CAMSAP1: variants seen among roughly 807,000 people sequenced by gnomAD.
CAMSAP1 encodes calmodulin-regulated spectrin-associated protein 1.
CAMSAP1 carries 58 observed loss-of-function variants against 143.5 expected under a neutral mutation model. That is an observed-to-expected ratio of 0.40 (90% CI 0.33 to 0.50). The LOEUF is 0.50. CAMSAP1 is among the 20% of genes least tolerant of loss of function. The pLI is 0.45. For missense variants in CAMSAP1, 1,969 were observed against 2,115.7 expected (o/e 0.93, Z 1.36); for synonymous variants, 945 against 859.3 (o/e 1.10, Z -1.74).
chr9:135,848,243 A>G (rs1836646858), intron 7 of CAMSAP1, among the ~76,000 whole-genome samples: 1 of 151,998 alleles, frequency 6.6e-6, no homozygotes, highest in Admixed American at 6.5e-5. Context: ...AATTAGTTCA[A>G]GGTCACCCGT....
chr9:135,842,446 C>A (rs1836391295), intron 7 of CAMSAP1, among the ~76,000 whole-genome samples: 1 of 152,132 alleles, frequency 6.6e-6, no homozygotes, highest in Non-Finnish European at 1.5e-5. Flanking sequence ...TCCAGGAGAA[C>A]TTCCCCAACC....
intron 1 of CAMSAP1, among the ~76,000 whole-genome samples, chr9:135,886,155 C>T (rs1254045717): frequency 6.6e-6 from 1 of 151,728 alleles, no homozygotes; most frequent in East Asian, 1.9e-4. Flanking sequence ...AGAATTAATA[C>T]ACATTCATTC....
rs139066006 is a variant in CAMSAP1 at position 135,860,747 on chromosome 9, C to G, written c.808+1720G>C. Among the ~76,000 whole-genome samples the G allele has an allele frequency of 1.0e-3, 154 of 151,980 alleles. No homozygotes were observed. In the East Asian group the frequency reaches 0.014, roughly 14 times the overall value. ...TCCATCATTTTAAATATCCTGTTAT[C>G]TTTCACCCATGTCTTGGTGCCAAAT... On this transcript the variant is annotated intron_variant, in intron 5 of 16. Transcript: ENST00000389532.
chr9:135,886,442 G>A (rs889501334), intron 1 of CAMSAP1, among the ~76,000 whole-genome samples: 1 of 152,142 alleles, frequency 6.6e-6, no homozygotes, highest in African/African-American at 2.4e-5. Flanking sequence ...GTAGGGGGGT[G>A]GGTAGGAGCG....
intron 5 of CAMSAP1, among the ~76,000 whole-genome samples, chr9:135,858,133 C>G (rs1837043940): frequency 6.7e-6 from 1 of 150,294 alleles, no homozygotes. Flanking sequence ...CAGCTTGACA[C>G]CCACCCCTCC....
rs1835064639 is a variant in CAMSAP1 at position 135,811,835 on chromosome 9, A to G, written c.4507-224T>C. Among the ~76,000 whole-genome samples, 1 of 152,238 alleles carries G rather than the reference A, an allele frequency of 6.6e-6. No individual in the cohort carries two copies. The highest frequency in any genetic ancestry group is 1.5e-5 in the Non-Finnish European group (1 of 68,046). On this transcript the variant is annotated intron_variant, in intron 16 of 16. Transcript: ENST00000389532. The surrounding 1 kb of genome is among the most constrained non-coding windows in gnomAD (Gnocchi z 4.9). ...AGTCTAAGCAAGCAAGGGGGAAAAGAATGCTTTTACGATTAAATGGAAAAG... is the reference window on the plus strand; with the variant it reads ...AGTCTAAGCAAGCAAGGGGGAAAAGGATGCTTTTACGATTAAATGGAAAAG...
At chr9:135,850,572 T>C (rs1232640863) in intron 5 of CAMSAP1, 111 bp from the exon 6 acceptor site, 9 of 850,490 alleles carry the variant, frequency 1.1e-5, no homozygotes, top group Admixed American at 3.2e-5. Flanking sequence ...ATGAAGATAA[T>C]GACATTGAGA....
At chr9:135,830,167 T>C (rs954887833) in intron 7 of CAMSAP1, among the ~76,000 whole-genome samples, 2 of 152,194 alleles carry the variant, frequency 1.3e-5, no homozygotes, top group African/African-American at 4.8e-5. Flanking sequence ...GCAAAAGAAC[T>C]GTTAGACAAA....
chr9:135,885,254 C>G (rs1227489349), intron 1 of CAMSAP1, among the ~76,000 whole-genome samples: 9 of 152,226 alleles, frequency 5.9e-5, no homozygotes, highest in Non-Finnish European at 1.3e-4. Context: ...CACAGACACA[C>G]AGTCATCCCC....
Position 135,882,389 on chromosome 9 carries a change from C to A in CAMSAP1, c.423+427G>T, listed in dbSNP as rs1173436518. Reference sequence around the variant, plus strand: ...GACCCAGAACGCTCTGGAAAAGGCACACCAGTAGCAAGGCTTCAGAGAAAG... The same window carrying A: ...GACCCAGAACGCTCTGGAAAAGGCAAACCAGTAGCAAGGCTTCAGAGAAAG... On this transcript the variant is annotated intron_variant, in intron 2 of 16. Transcript: ENST00000389532. The surrounding 1 kb of genome is among the most constrained non-coding windows in gnomAD (Gnocchi z 4.9). 6.6e-6 allele frequency among the ~76,000 whole-genome samples: 1 copy of A among 151,872 alleles called. No individual in the cohort carries two copies. Among genetic ancestry groups the A allele is most frequent in the Non-Finnish European group, 1.5e-5 (1 of 68,004 alleles).
At chr9:135,834,493 T>C (rs1267496686) in intron 7 of CAMSAP1, among the ~76,000 whole-genome samples, 2 of 152,202 alleles carry the variant, frequency 1.3e-5, no homozygotes, top group Non-Finnish European at 2.9e-5. Flanking sequence ...AGTCTTGTCA[T>C]TTGTGACAAC....
intron 7 of CAMSAP1, among the ~76,000 whole-genome samples, chr9:135,837,376 C>CAT (rs368057355): frequency 6.6e-5 from 10 of 150,472 alleles, no homozygotes; most frequent in African/African-American, 2.4e-4. Context: ...TCTACAGACA[C>CAT]GTCATCACGC....
At chr9:135,823,887 T>G (rs963669282) in intron 10 of CAMSAP1, 63 bp downstream of exon 10, 1 of 1,335,300 alleles carries the variant, frequency 7.5e-7, no homozygotes, top group Non-Finnish European at 1.1e-6. Flanking sequence ...GGTGACATCT[T>G]AAGAACTGCT....
chr9:135,880,678 C>T (rs1456329285), intron 3 of CAMSAP1, among the ~76,000 whole-genome samples: 1 of 152,200 alleles, frequency 6.6e-6, no homozygotes, highest in Non-Finnish European at 1.5e-5. Flanking sequence ...TGCAAGCTAA[C>T]TATCAGTAAC....
intron 7 of CAMSAP1, among the ~76,000 whole-genome samples, chr9:135,840,786 G>C (rs1480395584): frequency 6.6e-6 from 1 of 152,198 alleles, no homozygotes; most frequent in African/African-American, 2.4e-5. Flanking sequence ...TTCCAGCCAA[G>C]GGAAGCCGTG....
intron 10 of CAMSAP1, 95 bp downstream of exon 10, chr9:135,823,855 T>C (rs950421285): frequency 1.1e-6 from 1 of 925,230 alleles, no homozygotes; most frequent in African/African-American, 1.7e-5. Context: ...TAAAAGGGTC[T>C]CGGTGATCCT....
intron 1 of CAMSAP1, among the ~76,000 whole-genome samples, chr9:135,887,468 A>T (rs1448276697): frequency 1.3e-5 from 2 of 152,146 alleles, no homozygotes; most frequent in Admixed American, 1.3e-4. Flanking sequence ...GTGGCCAAAA[A>T]AGATGTGTCT....
chr9:135,858,316 C>A (rs1464193309), intron 5 of CAMSAP1, among the ~76,000 whole-genome samples: 1 of 152,022 alleles, frequency 6.6e-6, no homozygotes, highest in Non-Finnish European at 1.5e-5. Context: ...CTTCATTTCT[C>A]CTTCCTTCAA....
In CAMSAP1 at chr9:135,846,560, A is replaced by G. The variant is rs1166246705; in HGVS notation, c.1045+3577T>C. Among the ~76,000 whole-genome samples the G allele has an allele frequency of 2.0e-5, 3 of 152,188 alleles. No individual in the cohort carries two copies. In the East Asian group the frequency reaches 5.8e-4, roughly 29 times the overall value. ...TAATTAAAATAAAGAGCTTCTGCAC[A>G]GCAAAAGAAACTATCATCAGAGTGA... is the stretch of plus-strand genomic sequence containing the variant. On this transcript the variant is annotated intron_variant, in intron 7 of 16. Coordinates refer to ENST00000389532, the MANE Select transcript of CAMSAP1 (RefSeq NM_015447.4).
Sources: gnomAD v4.1 joint callset for allele counts (sites outside exome capture counted in the v4.1 genomes callset) on GRCh38, gnomAD v4.1.1 for gene constraint, Gnocchi (gnomAD v3.1) non-coding constraint, MANE v1.5 for transcripts, NCBI Gene and HGNC (gene_info 2026-07-23, HGNC 2026-07-21) for gene names.